PARN: variants seen among roughly 807,000 people sequenced by gnomAD.
PARN encodes the protein poly(A)-specific ribonuclease, also known as poly(A)-specific ribonuclease PARN.
In PARN, 71 loss-of-function variants were observed where a neutral mutation model predicts 102.8. That is an observed-to-expected ratio of 0.69 (90% CI 0.57 to 0.84). The LOEUF is 0.84. Ranked by LOEUF, PARN falls within the 40% of genes least tolerant of loss-of-function variation. PARN has a pLI of 0.00. For missense variants in PARN, 782 were observed against 760.9 expected (o/e 1.03, Z -0.33); for synonymous variants, 261 against 252.9 (o/e 1.03, Z -0.30).
chr16:14,484,283 G>C (rs1963538612), intron 21 of PARN, among the ~76,000 whole-genome samples: 1 of 152,190 alleles, frequency 6.6e-6, no homozygotes, highest in South Asian at 2.1e-4. Flanking sequence ...GCTGTGGATG[G>C]ATCACGATGG....
At chr16:14,547,711 C>CA (rs890778195) in intron 21 of PARN, among the ~76,000 whole-genome samples, 5 of 149,132 alleles carry the variant, frequency 3.4e-5, no homozygotes, top group South Asian at 2.1e-4. Flanking sequence ...CCCAGTCTCC[C>CA]AAAAAAAGTC....
chr16:14,445,853 C>T (rs1281510510), intron 23 of PARN, among the ~76,000 whole-genome samples: 2 of 152,168 alleles, frequency 1.3e-5, no homozygotes, highest in Admixed American at 6.5e-5. Context: ...CGTGAGCCAC[C>T]GAGCCTGGCC....
intron 21 of PARN, among the ~76,000 whole-genome samples, chr16:14,506,501 A>G (rs1964901618): frequency 6.6e-6 from 1 of 152,362 alleles, no homozygotes; most frequent in East Asian, 1.9e-4. Context: ...CTTAAGAGAA[A>G]TACACTAAAA....
At chr16:14,592,744 A>C (rs1490205082) in intron 13 of PARN, among the ~76,000 whole-genome samples, 1 of 152,214 alleles carries the variant, frequency 6.6e-6, no homozygotes, top group African/African-American at 2.4e-5. Flanking sequence ...TGGCCTGGGA[A>C]TCCCTGCCCA....
chr16:14,627,331 G>A lies in PARN; in HGVS notation c.183C>T (p.Ser61=). The A allele has an allele frequency of 6.3e-7, 1 of 1,583,294 alleles. No homozygotes were observed. The highest frequency in any genetic ancestry group is 1.3e-5 in the African/African-American group (1 of 74,532). ...CAAACTGAAATAGCAAAAAGTCCAT[G>A]GAATGCTGGAAAAGGGAAATAAAAC... ...EERYQKLKKH[S]MDFLLFQFGL... is the part of the protein sequence containing the mutation. Residue 61 remains serine, a synonymous_variant, in exon 4 of 24, where the codon TCC becomes TCT. Transcript: ENST00000437198.
intron 22 of PARN, among the ~76,000 whole-genome samples, chr16:14,458,568 G>A (rs1436477596): frequency 6.6e-6 from 1 of 152,148 alleles, no homozygotes; most frequent in East Asian, 1.9e-4. Context: ...TCTTTGTAGA[G>A]GAAAAGCAGG....
At chr16:14,474,161 T>TTTTG (rs35660085) in intron 22 of PARN, among the ~76,000 whole-genome samples, 15,319 of 151,628 alleles carry the variant, frequency 0.1, 916 homozygotes, top group East Asian at 0.25. Flanking sequence ...CCTGGCTAAT[T>TTTTG]TTTGTTTGTT....
intron 21 of PARN, among the ~76,000 whole-genome samples, chr16:14,508,740 G>GA (rs112398860): frequency 0.26 from 36,703 of 143,434 alleles, 4,677 homozygotes; most frequent in Middle Eastern, 0.32. Context: ...GTGGAAACTT[G>GA]AAAAAAAAAA....
At chr16:14,623,160 T>G (rs998108639) in intron 5 of PARN, among the ~76,000 whole-genome samples, 3 of 150,654 alleles carry the variant, frequency 2.0e-5, no homozygotes, top group African/African-American at 7.3e-5. Context: ...TGTATACATG[T>G]ACATAAAAGC....
chr16:14,537,778 G>A (rs1966673741), intron 21 of PARN, among the ~76,000 whole-genome samples: 1 of 152,126 alleles, frequency 6.6e-6, no homozygotes, highest in Non-Finnish European at 1.5e-5. Flanking sequence ...GCGCGGAAGG[G>A]TAGAGGGAAG....
chr16:14,445,590 G>C (rs190747163), intron 23 of PARN, among the ~76,000 whole-genome samples: 18 of 152,306 alleles, frequency 1.2e-4, no homozygotes, highest in Non-Finnish European at 2.5e-4. Context: ...AAGACAGGGT[G>C]TCACTCTGTT....
intron 23 of PARN, among the ~76,000 whole-genome samples, chr16:14,440,694 C>A (rs1482949977): frequency 6.6e-6 from 1 of 152,126 alleles, no homozygotes; most frequent in South Asian, 2.1e-4. Flanking sequence ...TGAGGATACA[C>A]GCACCACCAC....
At chr16:14,437,467 G>A (rs1960752264) in intron 23 of PARN, among the ~76,000 whole-genome samples, 1 of 152,184 alleles carries the variant, frequency 6.6e-6, no homozygotes, top group South Asian at 2.1e-4. Flanking sequence ...TTCTTGGATT[G>A]AAAAGATCTC....
At chr16:14,488,788 G>A (rs1963885353) in intron 21 of PARN, among the ~76,000 whole-genome samples, 1 of 151,704 alleles carries the variant, frequency 6.6e-6, no homozygotes, top group Admixed American at 6.6e-5. Flanking sequence ...ACAAGTTAGT[G>A]TTCTCACTTA....
intron 13 of PARN, among the ~76,000 whole-genome samples, chr16:14,593,050 C>T (rs574435963): frequency 2.0e-4 from 30 of 152,026 alleles, no homozygotes; most frequent in East Asian, 7.8e-4. Flanking sequence ...GCAGGAGACT[C>T]GCTTGAACCC....
chr16:14,623,485 G>C (rs1212427154), intron 5 of PARN, among the ~76,000 whole-genome samples: 1 of 151,408 alleles, frequency 6.6e-6, no homozygotes, highest in Non-Finnish European at 1.5e-5. Flanking sequence ...CTGCACTCCA[G>C]CCTGGAAACA....
intron 21 of PARN, among the ~76,000 whole-genome samples, chr16:14,484,288 C>T (rs892233743): frequency 3.3e-5 from 5 of 152,176 alleles, no homozygotes; most frequent in African/African-American, 9.7e-5. Flanking sequence ...GGATGGATCA[C>T]GATGGCGGCA....
Position 14,584,789 on chromosome 16 carries a change from A to T in PARN, c.965T>A (p.Leu322His). 2 of 1,543,744 alleles carry T rather than the reference A, an allele frequency of 1.3e-6. No homozygotes were observed. Among genetic ancestry groups the T allele is most frequent in the Non-Finnish European group, 1.7e-6 (2 of 1,146,390 alleles). The change falls in exon 15 of 24, where the codon CTC becomes CAC. Residue 322 changes from leucine to histidine, a missense_variant and splice_region_variant. Leu to His is a moderately conservative substitution (Grantham distance 99). Transcript: ENST00000437198. ...KEMTTCVFPR[L>H]LDTKLMASTQ... ...GCTGGCCATCAATTTAGTATCCAAG[A>T]GTCTAAAAAGAATTTTTAACAAGGT...
chr16:14,530,290 G>C (rs1966252432), intron 21 of PARN, among the ~76,000 whole-genome samples: 1 of 152,192 alleles, frequency 6.6e-6, no homozygotes, highest in African/African-American at 2.4e-5. Flanking sequence ...ACTCTAGAGA[G>C]AGGCAGCACC....
Sources: gnomAD v4.1 joint callset for allele counts (sites outside exome capture counted in the v4.1 genomes callset) on GRCh38, gnomAD v4.1.1 for gene constraint, MANE v1.5 for transcripts, NCBI Gene and HGNC (gene_info 2026-07-23, HGNC 2026-07-21) for gene names.